Variants in AGBL1 observed in about 807,000 individuals in gnomAD.
The protein encoded by AGBL1 is cytosolic carboxypeptidase 4.
A neutral mutation model predicts 118.9 loss-of-function variants in AGBL1; 130 were observed. That is an observed-to-expected ratio of 1.09 (90% CI 0.95 to 1.26). The LOEUF (loss-of-function observed/expected upper bound fraction) is 1.26, where lower values mean the gene tolerates loss of function less well. Among genes scored for constraint, AGBL1 ranks in the 50% most tolerant of loss-of-function variants. The pLI is 0.00. For synonymous variants in AGBL1, 555 were observed against 478.9 expected (o/e 1.16, Z -2.08); for missense variants, 1,584 against 1,298.1 (o/e 1.22, Z -3.38).
chr15:86,455,872 T>C (rs1422271383), intron 18 of AGBL1, among the ~76,000 whole-genome samples: 1 of 152,156 alleles, frequency 6.6e-6, no homozygotes, highest in Non-Finnish European at 1.5e-5. Context: ...ATAGTTTTTA[T>C]TCAAATCTCT....
chr15:86,678,166 G>A (rs2085884087), intron 22 of AGBL1, among the ~76,000 whole-genome samples: 1 of 152,050 alleles, frequency 6.6e-6, no homozygotes, highest in African/African-American at 2.4e-5. Context: ...CATTTCTCAA[G>A]AATGTTATAT....
At chr15:86,406,629 C>T (rs2081534310) in intron 18 of AGBL1, among the ~76,000 whole-genome samples, 1 of 152,056 alleles carries the variant, frequency 6.6e-6, no homozygotes. Flanking sequence ...AATCAAGCTG[C>T]CCAGAGAAAA....
downstream of AGBL1, among the ~76,000 whole-genome samples, chr15:87,029,752 T>C (rs149539355): frequency 1.6e-3 from 240 of 152,034 alleles, 1 homozygote; most frequent in African/African-American, 5.5e-3. Flanking sequence ...AAATATCTGA[T>C]TTCATAACTC....
At chr15:86,997,979 T>C (rs2141754082) in intron 24 of AGBL1, among the ~76,000 whole-genome samples, 1 of 152,142 alleles carries the variant, frequency 6.6e-6, no homozygotes, top group Middle Eastern at 3.4e-3. Context: ...TCTTATACTT[T>C]ACATGTTCTG....
chr15:86,183,179 A>C (rs957689010), intron 5 of AGBL1, among the ~76,000 whole-genome samples: 3 of 152,140 alleles, frequency 2.0e-5, no homozygotes, highest in Admixed American at 6.6e-5. Context: ...GAGAGTTCTA[A>C]ATATTTTACT....
intron 21 of AGBL1, among the ~76,000 whole-genome samples, chr15:86,671,197 T>A (rs1043688038): frequency 6.6e-6 from 1 of 152,068 alleles, no homozygotes; most frequent in Non-Finnish European, 1.5e-5. Context: ...TTGTGCCACA[T>A]TTTCTCTTTC....
chr15:86,288,858 G>A (rs994840455), intron 16 of AGBL1, among the ~76,000 whole-genome samples: 2 of 151,652 alleles, frequency 1.3e-5, no homozygotes, highest in African/African-American at 2.4e-5. Flanking sequence ...TTATATATTT[G>A]AATCCCATAT....
At chr15:86,869,193 G>A (rs756581251) in intron 22 of AGBL1, among the ~76,000 whole-genome samples, 4 of 152,214 alleles carry the variant, frequency 2.6e-5, no homozygotes, top group African/African-American at 9.6e-5. Flanking sequence ...GGGTAAGACA[G>A]AGAGGTGTGT....
At chr15:86,552,913 T>C (rs1000310529) in intron 20 of AGBL1, among the ~76,000 whole-genome samples, 1 of 151,872 alleles carries the variant, frequency 6.6e-6, no homozygotes, top group Non-Finnish European at 1.5e-5. Flanking sequence ...ATTATATTAA[T>C]TATGCTAATA....
intron 1 of AGBL1, among the ~76,000 whole-genome samples, chr15:86,119,400 G>A (rs1897954370): frequency 6.6e-6 from 1 of 151,704 alleles, no homozygotes; most frequent in Non-Finnish European, 1.5e-5. Context: ...GCTTCTTCTG[G>A]CTCCTCTCTC....
At position 86,583,604 on chromosome 15, in the gene AGBL1, A is replaced by T. The variant is rs1253296781; in HGVS notation, c.2994+29067A>T. 3.3e-5 allele frequency among the ~76,000 whole-genome samples: 5 copies of T among 152,204 alleles called. No individual in the cohort carries two copies. In the East Asian group the frequency reaches 9.7e-4, roughly 29 times the overall value. On this transcript the variant is annotated intron_variant, in intron 21 of 22. Coordinates refer to ENST00000614907, the MANE Select transcript of AGBL1 (RefSeq NM_001386094.1). ...GCTGATGGGCGCTTAAGTTGATTCC[A>T]TATCTTTTCTATTGTGAATCGTGCT... is the stretch of plus-strand genomic sequence containing the variant.
intron 9 of AGBL1, among the ~76,000 whole-genome samples, chr15:86,259,386 A>G (rs1448585536): frequency 6.6e-6 from 1 of 152,208 alleles, no homozygotes; most frequent in Non-Finnish European, 1.5e-5. Context: ...TGTCTGTAAA[A>G]TAAGAGTCAG....
chr15:86,084,700 A>C (rs1895516535), intron 1 of AGBL1, among the ~76,000 whole-genome samples: 1 of 152,204 alleles, frequency 6.6e-6, no homozygotes, highest in Non-Finnish European at 1.5e-5. Context: ...AACTGATATC[A>C]TCTCCCACTT....
intron 5 of AGBL1, among the ~76,000 whole-genome samples, chr15:86,208,679 T>C (rs1265931554): frequency 6.6e-6 from 1 of 152,182 alleles, no homozygotes; most frequent in Non-Finnish European, 1.5e-5. Flanking sequence ...CCTTTATCAT[T>C]TTTTATTGTG....
At chr15:86,327,723 G>T (rs568091458) in intron 17 of AGBL1, among the ~76,000 whole-genome samples, 1 of 152,280 alleles carries the variant, frequency 6.6e-6, no homozygotes, top group Non-Finnish European at 1.5e-5. Context: ...CAAAGAGACA[G>T]GTATAAAACT....
At chr15:86,811,985 C>G (rs1327857364) in intron 22 of AGBL1, among the ~76,000 whole-genome samples, 1 of 152,218 alleles carries the variant, frequency 6.6e-6, no homozygotes. Context: ...ATCTCACTCA[C>G]TTTTCAGATC....
chr15:86,407,710 G>A (rs2081550057), intron 18 of AGBL1, among the ~76,000 whole-genome samples: 1 of 152,126 alleles, frequency 6.6e-6, no homozygotes, highest in Non-Finnish European at 1.5e-5. Context: ...TGTCTTGAAA[G>A]AATTACTGAA....
chr15:86,593,965 C>T (rs2084373162), intron 21 of AGBL1, among the ~76,000 whole-genome samples: 1 of 151,616 alleles, frequency 6.6e-6, no homozygotes, highest in Non-Finnish European at 1.5e-5. Context: ...CTCTGTCACT[C>T]AGGTTGGAGT....
chr15:86,743,195 A>G (rs192185278), intron 22 of AGBL1, among the ~76,000 whole-genome samples: 30 of 152,250 alleles, frequency 2.0e-4, no homozygotes, highest in Admixed American at 3.3e-4. Context: ...TAGTTTTATT[A>G]AGGTGTAATT....
Sources: gnomAD v4.1 joint callset for allele counts (sites outside exome capture counted in the v4.1 genomes callset) on GRCh38, gnomAD v4.1.1 for gene constraint, MANE v1.5 for transcripts, NCBI Gene and HGNC (gene_info 2026-07-23, HGNC 2026-07-21) for gene names.